Variants in PARD3B observed in about 807,000 individuals in gnomAD.
PARD3B encodes the protein par-3 family cell polarity regulator beta.
A neutral mutation model predicts 130.2 loss-of-function variants in PARD3B; 103 were observed. The observed-to-expected ratio is 0.79, with a 90% CI of 0.67 to 0.93. The LOEUF is 0.93. Among genes scored for constraint, PARD3B ranks in the 40% least tolerant of loss-of-function variants. The pLI, the probability that PARD3B is intolerant of heterozygous loss-of-function variation, is 0.00. For missense variants in PARD3B, 1,609 were observed against 1,499.2 expected, an observed-to-expected ratio of 1.07 and a Z score of -1.21; for synonymous variants, 583 against 553.2, an observed-to-expected ratio of 1.05 and a Z score of -0.76.
intron 2 of PARD3B, among the ~76,000 whole-genome samples, chr2:204,850,429 C>T (rs1483458553): frequency 1.3e-5 from 2 of 151,382 alleles, no homozygotes; most frequent in African/African-American, 4.9e-5. Flanking sequence ...GACTCATAGG[C>T]TTTTGAGAGG....
intron 2 of PARD3B, among the ~76,000 whole-genome samples, chr2:204,920,825 A>C (rs569791487): frequency 6.6e-5 from 10 of 152,260 alleles, no homozygotes; most frequent in African/African-American, 2.4e-4. Flanking sequence ...TTTGCCTTCT[A>C]AACATTGGAT....
In PARD3B at chr2:205,005,974, C is replaced by T. The variant is rs570637295; in HGVS notation, c.394+40651C>T. Among the ~76,000 whole-genome samples, 359 of 152,266 alleles carry T rather than the reference C, an allele frequency of 2.4e-3. 2 individuals are homozygous for T. Among genetic ancestry groups the T allele is most frequent in the Non-Finnish European group, 3.3e-3 (225 of 68,012 alleles). ...TCTCTCACCCTCCTCCTAACTTCCCCGCACTGAGTCCCCGAAGTTCATTAT... is the reference window on the plus strand; with the variant it reads ...TCTCTCACCCTCCTCCTAACTTCCCTGCACTGAGTCCCCGAAGTTCATTAT... On this transcript the variant is annotated intron_variant, in intron 3 of 22. Coordinates refer to ENST00000406610, the MANE Select transcript of PARD3B (RefSeq NM_001302769.2).
chr2:204,805,448 T>A (rs996811410), intron 2 of PARD3B, among the ~76,000 whole-genome samples: 1 of 152,074 alleles, frequency 6.6e-6, no homozygotes, highest in Non-Finnish European at 1.5e-5. Context: ...AAGAAAAGCC[T>A]GGGACCTGGT....
Position 205,563,157 on chromosome 2 carries a change from T to C in PARD3B, c.3260+9754T>C, listed in dbSNP as rs2053197681. 6.6e-6 allele frequency among the ~76,000 whole-genome samples: 1 copy of C among 152,224 alleles called. No individual in the cohort carries two copies. The highest frequency in any genetic ancestry group is 2.1e-4 in the South Asian group (1 of 4,826). On this transcript the variant is annotated intron_variant, in intron 22 of 22. Transcript: ENST00000406610. The surrounding 1 kb of genome is among the most constrained non-coding windows in gnomAD (Gnocchi z 4.2). ...AATCACTAGTCTTATTTTCCATTTTTATATACCAAGATCTGCATGCAAATT... is the reference window on the plus strand; with the variant it reads ...AATCACTAGTCTTATTTTCCATTTTCATATACCAAGATCTGCATGCAAATT...
intron 2 of PARD3B, among the ~76,000 whole-genome samples, chr2:204,783,652 C>A (rs1365775020): frequency 6.6e-6 from 1 of 152,030 alleles, no homozygotes; most frequent in Non-Finnish European, 1.5e-5. Flanking sequence ...CTAATATGTG[C>A]CGAACACTCA....
At chr2:204,935,476 T>C (rs976685508) in intron 2 of PARD3B, among the ~76,000 whole-genome samples, 15 of 151,572 alleles carry the variant, frequency 9.9e-5, no homozygotes, top group South Asian at 6.3e-4. Flanking sequence ...GAGGTGGAGC[T>C]TGCAGTGAGC....
At chr2:205,171,209 GT>G (rs1427004788) in intron 11 of PARD3B, among the ~76,000 whole-genome samples, 2 of 152,216 alleles carry the variant, frequency 1.3e-5, no homozygotes, top group Non-Finnish European at 2.9e-5. Flanking sequence ...AATCACAGCT[GT>G]GCTTTATAGC....
At chr2:204,810,265 G>C (rs1459583630) in intron 2 of PARD3B, among the ~76,000 whole-genome samples, 1 of 152,048 alleles carries the variant, frequency 6.6e-6, no homozygotes, top group Non-Finnish European at 1.5e-5. Context: ...GCTGTGGCCA[G>C]AACTTCCCAT....
chr2:204,857,228 G>T (rs2044987246), intron 2 of PARD3B, among the ~76,000 whole-genome samples: 1 of 152,102 alleles, frequency 6.6e-6, no homozygotes, highest in Non-Finnish European at 1.5e-5. Context: ...TCAGATTCAT[G>T]AAGGCACATC....
chr2:204,848,102 G>A (rs1164048181), intron 2 of PARD3B, among the ~76,000 whole-genome samples: 2 of 152,018 alleles, frequency 1.3e-5, no homozygotes. Context: ...TGTTATAATT[G>A]TTCTATTTTA....
At chr2:205,141,860 G>A (rs76187387) in intron 10 of PARD3B, among the ~76,000 whole-genome samples, 2,659 of 152,224 alleles carry the variant, frequency 0.017, 77 homozygotes, top group African/African-American at 0.06. Context: ...AGCTTAATTA[G>A]CAGTTTATGA....
At chr2:204,681,612 G>C (rs1025472732) in intron 1 of PARD3B, among the ~76,000 whole-genome samples, 9 of 152,128 alleles carry the variant, frequency 5.9e-5, no homozygotes, top group Admixed American at 2.0e-4. Context: ...TCACGTGTCA[G>C]TGCTGCTCTG....
chr2:205,249,520 G>A (rs186378619), intron 16 of PARD3B, among the ~76,000 whole-genome samples: 125 of 152,016 alleles, frequency 8.2e-4, no homozygotes, highest in African/African-American at 2.7e-3. Flanking sequence ...TTGATCCTTC[G>A]GAGCTCAGAT....
intron 22 of PARD3B, among the ~76,000 whole-genome samples, chr2:205,588,799 G>A (rs961086478): frequency 3.9e-5 from 6 of 152,158 alleles, no homozygotes; most frequent in Non-Finnish European, 5.9e-5. Context: ...ATGTCATGGC[G>A]GAGCTTCAGT....
intron 6 of PARD3B, among the ~76,000 whole-genome samples, chr2:205,117,308 G>A (rs1268474109): frequency 6.6e-6 from 1 of 152,144 alleles, no homozygotes; most frequent in Non-Finnish European, 1.5e-5. Flanking sequence ...TGAACCACAA[G>A]ACCCCACTGC....
intron 2 of PARD3B, among the ~76,000 whole-genome samples, chr2:204,817,627 C>T (rs1296525346): frequency 1.4e-4 from 22 of 152,094 alleles, no homozygotes. Flanking sequence ...GCAGGGGACC[C>T]TCTGCAGATC....
At chr2:204,791,067 C>T (rs151099893) in intron 2 of PARD3B, among the ~76,000 whole-genome samples, 2,237 of 151,852 alleles carry the variant, frequency 0.015, 28 homozygotes, top group Non-Finnish European at 0.023. Context: ...ATGACGCCAC[C>T]GCCCTCCAGC....
At chr2:204,646,164 A>G (rs2035263915) in intron 1 of PARD3B, among the ~76,000 whole-genome samples, 1 of 152,160 alleles carries the variant, frequency 6.6e-6, no homozygotes, top group South Asian at 2.1e-4. Flanking sequence ...ATTATAAAAT[A>G]CATACCTCTG....
chr2:205,507,879 T>A lies in PARD3B; in HGVS notation c.3180+7848T>A, dbSNP rs183340399. 1.1e-4 allele frequency among the ~76,000 whole-genome samples: 16 copies of A among 152,376 alleles called. No individual in the cohort carries two copies. In the East Asian group the frequency reaches 2.5e-3, roughly 24 times the overall value. ...AAGGAGAAAGAAAATTCACTTTGTC[T>A]ATTGGTTCAGCATCTTTGAACTATC... is the stretch of plus-strand genomic sequence containing the variant. On this transcript the variant is annotated intron_variant, in intron 21 of 22. Coordinates refer to ENST00000406610, the MANE Select transcript of PARD3B (RefSeq NM_001302769.2).
Sources: allele counts gnomAD v4.1 joint callset (sites outside exome capture counted in the v4.1 genomes callset), GRCh38; gene constraint gnomAD v4.1.1; non-coding constraint Gnocchi (gnomAD v3.1); transcripts MANE v1.5; gene names NCBI Gene and HGNC (gene_info 2026-07-23, HGNC 2026-07-21).